TAGAP: variants seen among roughly 807,000 people sequenced by gnomAD.
The protein encoded by TAGAP is T-cell activation Rho GTPase-activating protein.
TAGAP carries 16 observed loss-of-function variants against 36.0 expected under a neutral mutation model. The ratio of observed to expected loss-of-function variants is 0.44; its 90% CI spans 0.30 to 0.68. The LOEUF (loss-of-function observed/expected upper bound fraction) is 0.68. TAGAP is among the 30% of genes least tolerant of loss of function. The pLI is 0.09. For synonymous variants in TAGAP, 372 were observed against 377.4 expected, an observed-to-expected ratio of 0.99 and a Z score of 0.17; for missense variants, 794 against 921.5, an observed-to-expected ratio of 0.86 and a Z score of 1.79.
In TAGAP at chr6:159,041,524, A is replaced by G. The variant is rs777804576; in HGVS notation, c.316-9T>C. On this transcript the variant is annotated splice_polypyrimidine_tract_variant and intron_variant, in intron 5 of 9. Transcript: ENST00000367066. The surrounding 1 kb of genome is among the most constrained non-coding windows in gnomAD (Gnocchi z 4.1). ...AGAATAGTGAGAATGTCCTAAAGGA[A>G]ACAGCAATAGGAACAGGAAAGGGTT... The G allele has an allele frequency of 3.1e-6, 5 of 1,612,756 alleles. No homozygotes were observed. Among genetic ancestry groups the G allele is most frequent in the Non-Finnish European group, 4.2e-6 (5 of 1,179,484 alleles).
At chr6:159,042,425 C>A in intron 4 of TAGAP, 181 bp from the exon 5 acceptor site, 1 of 1,355,478 alleles carries the variant, frequency 7.4e-7, no homozygotes, top group Non-Finnish European at 9.6e-7. Context: ...AAAAACCAAC[C>A]GATAAACAAC....
rs546100674 is a variant in TAGAP, at chr6:159,043,501, T to A, written c.148+88A>T. On this transcript the variant is annotated intron_variant, in intron 4 of 9. Coordinates refer to ENST00000367066, the MANE Select transcript of TAGAP (RefSeq NM_054114.5). Reference sequence around the variant, plus strand: ...AGAACAACTTATACAAAAAAATTCCTAGTAGAGTAAAAGCGCTGTGGTTTT... The same window carrying A: ...AGAACAACTTATACAAAAAAATTCCAAGTAGAGTAAAAGCGCTGTGGTTTT... 6 of 1,256,550 alleles carry A rather than the reference T, an allele frequency of 4.8e-6. No homozygotes were observed. The South Asian group carries it at 4.8e-5, about 10-fold the overall frequency. 77.8% of individuals were successfully genotyped at this position (1,256,550 alleles called of 1,614,324 possible). A position where few individuals can be genotyped will look rare whatever the true frequency, so the allele number is the denominator to read the frequency against.
chr6:159,043,082 G>A lies in TAGAP; in HGVS notation c.148+507C>T, dbSNP rs149950846. On this transcript the variant is annotated intron_variant, in intron 4 of 9. Coordinates refer to ENST00000367066, the MANE Select transcript of TAGAP (RefSeq NM_054114.5). The stretch of plus-strand genomic sequence containing the variant: ...TTGGCATCTGTTTCTATACATTTCA[G>A]ATTGGCAAGTGGAAGCATGATGAGA... 30 of 154,046 alleles carry A rather than the reference G, an allele frequency of 1.9e-4. No homozygotes were observed. The East Asian group carries it at 5.7e-3, about 29-fold the overall frequency. The allele number at this position is 154,046 out of a possible 1,614,324, so 9.5% of individuals were successfully genotyped here.
At position 159,036,468 on chromosome 6, in the gene TAGAP, C is replaced by G; in HGVS notation, c.1555G>C (p.Val519Leu). The change falls in exon 10 of 10, where the codon GTG becomes CTG. Residue 519 changes from valine (V) to leucine (L), a missense_variant. Transcript: ENST00000367066. The surrounding 1 kb of genome is among the most constrained non-coding windows in gnomAD (Gnocchi z 4.9). ...CCCGCGCTGAGGTTTTTGGTCAGCA[C>G]TTTTTTGTGAGGGGCAAAGGTGAAA... ...MSFTFAPHKK[V>L]LTKNLSAGSG... 2 of 1,614,114 alleles carry G rather than the reference C, an allele frequency of 1.2e-6. No individual in the cohort carries two copies. The highest frequency in any genetic ancestry group is 1.7e-6 in the Non-Finnish European group (2 of 1,180,018).
chr6:159,041,056 G>C lies in TAGAP; in HGVS notation c.478-224C>G. On this transcript the variant is annotated intron_variant, in intron 6 of 9. Transcript: ENST00000367066. This position sits in a 1 kb window ranked among gnomAD's most constrained non-coding sequence, Gnocchi z 4.1. ...GCAGAGTCAGAGGCACCATCCCCAGGTGGGTGTGTTCTGAGGGGCCACTGG... is the reference window on the plus strand; with the variant it reads ...GCAGAGTCAGAGGCACCATCCCCAGCTGGGTGTGTTCTGAGGGGCCACTGG... 1 of 586,552 alleles carries C rather than the reference G, an allele frequency of 1.7e-6. No homozygotes were observed. The highest frequency in any genetic ancestry group is 3.0e-6 in the Non-Finnish European group (1 of 333,836). The allele number at this position is 586,552 out of a possible 1,614,324, so 36.3% of individuals were successfully genotyped here.
At chr6:159,043,543 G>A in intron 4 of TAGAP, 46 bp downstream of exon 4, 1 of 1,583,722 alleles carries the variant, frequency 6.3e-7, no homozygotes, top group Non-Finnish European at 8.7e-7. Flanking sequence ...CAAGAGCACT[G>A]GTTGTTAGCA....
chr6:159,044,239 A>T, intron 1 of TAGAP, 35 bp from the exon 2 acceptor site: 1 of 1,409,812 alleles, frequency 7.1e-7, no homozygotes, highest in Non-Finnish European at 9.6e-7. Context: ...GTTAGGAGGG[A>T]CTCACACAGT....
rs564495672 is a variant in TAGAP at position 159,036,793 on chromosome 6, G to A, written c.1230C>T (p.Gly410=). 8 of 1,614,260 alleles carry A rather than the reference G, an allele frequency of 5.0e-6. No homozygotes were observed. The highest frequency in any genetic ancestry group is 1.1e-5 in the South Asian group (1 of 91,086). ...CAGCCTCCTCACTTTCCAAACGAGA[G>A]CCTACCCGGGGCACGGGGAAGTCCC... The part of the protein sequence containing the change: ...SEGDFPVPRV[G]SRLESEEAED... Residue 410 remains glycine (G), a synonymous_variant, in exon 10 of 10, where the codon GGC becomes GGT. Coordinates refer to ENST00000367066, the MANE Select transcript of TAGAP (RefSeq NM_054114.5). The surrounding 1 kb of genome is among the most constrained non-coding windows in gnomAD (Gnocchi z 4.9).
rs774808557 is a variant in TAGAP, at chr6:159,036,448, G to A, written c.1575C>T (p.Ser525=). Residue 525 remains serine, a synonymous_variant, in exon 10 of 10, where the codon AGC becomes AGT. Coordinates refer to ENST00000367066, the MANE Select transcript of TAGAP (RefSeq NM_054114.5). This position sits in a 1 kb window ranked among gnomAD's most constrained non-coding sequence, Gnocchi z 4.9. ...PHKKVLTKNL[S]AGSGKSQDFT... ...AGTCTTGCGATTTCCCAGAGCCCGC[G>A]CTGAGGTTTTTGGTCAGCACTTTTT... 3.1e-6 allele frequency: 5 copies of A among 1,614,028 alleles called. No homozygotes were observed. Among genetic ancestry groups the A allele is most frequent in the Non-Finnish European group, 4.2e-6 (5 of 1,180,048 alleles).
At chr6:159,038,257 C>G in intron 8 of TAGAP, 29 bp from the exon 9 acceptor site, 3 of 883,130 alleles carry the variant, frequency 3.4e-6, no homozygotes, top group Non-Finnish European at 5.3e-6. Flanking sequence ...AATTTGTCAG[C>G]TTGAAGACTT....
chr6:159,037,960 A>T lies in TAGAP; in HGVS notation c.898+154T>A, dbSNP rs1234828039. On this transcript the variant is annotated intron_variant, in intron 9 of 9. Coordinates refer to ENST00000367066, the MANE Select transcript of TAGAP (RefSeq NM_054114.5). The surrounding 1 kb of genome is among the most constrained non-coding windows in gnomAD (Gnocchi z 5.1). ...AGGAAAAGCCCGGAGCAGGGTTTTC[A>T]TGTTTAATGACTTCCTAATGGACTG... is the stretch of plus-strand genomic sequence containing the variant. 6.6e-6 allele frequency among the ~76,000 whole-genome samples: 1 copy of T among 152,224 alleles called. No individual in the cohort carries two copies. The highest frequency in any genetic ancestry group is 1.5e-5 in the Non-Finnish European group (1 of 68,026).
rs577125221 is a variant in TAGAP, at chr6:159,044,291, A to C, written c.-58-87T>G. ...CACTTTGCCAAAGCACAGAGTTTGA[A>C]ACTATTTATTTATTTTTCTCTTTTG... On this transcript the variant is annotated intron_variant, in intron 1 of 9. Coordinates refer to ENST00000367066, the MANE Select transcript of TAGAP (RefSeq NM_054114.5). The C allele has an allele frequency of 4.1e-6, 3 of 725,050 alleles. No homozygotes were observed. The East Asian group carries it at 9.0e-5, about 22-fold the overall frequency. 44.9% of individuals were successfully genotyped at this position (725,050 alleles called of 1,614,324 possible).
chr6:159,044,350 C>T lies in TAGAP; in HGVS notation c.-58-146G>A, dbSNP rs148077497. On this transcript the variant is annotated intron_variant, in intron 1 of 9. Transcript: ENST00000367066. Reference sequence around the variant, plus strand: ...TCACTTGCCTTTACTTTGGAAAAAACTATTACATAGACAAGTTTTCATTTA... The same window carrying T: ...TCACTTGCCTTTACTTTGGAAAAAATTATTACATAGACAAGTTTTCATTTA... 2.3e-3 allele frequency: 1,238 copies of T among 542,736 alleles called. 15 individuals are homozygous for T. The highest frequency in any genetic ancestry group is 0.022 in the African/African-American group (1,130 of 51,088). 33.6% of individuals were successfully genotyped at this position (542,736 alleles called of 1,614,324 possible).
Position 159,038,825 on chromosome 6 carries a change from G to T in TAGAP, c.783+289C>A, listed in dbSNP as rs947108023. Reference sequence around the variant, plus strand: ...TCCCAGATTGATAGACTGATAGACTGTGGTGTACAAAACACAAAAACAAAA... The same window carrying T: ...TCCCAGATTGATAGACTGATAGACTTTGGTGTACAAAACACAAAAACAAAA... On this transcript the variant is annotated intron_variant, in intron 8 of 9. Coordinates refer to ENST00000367066, the MANE Select transcript of TAGAP (RefSeq NM_054114.5). 1.9e-5 allele frequency: 20 copies of T among 1,047,642 alleles called. 1 individual carries two copies. The South Asian group carries it at 3.0e-4, about 16-fold the overall frequency. The allele number at this position is 1,047,642 out of a possible 1,614,324, so 64.9% of individuals were successfully genotyped here. A position where few individuals can be genotyped will look rare whatever the true frequency, so the allele number is the denominator to read the frequency against.
intron 7 of TAGAP, 137 bp downstream of exon 7, chr6:159,040,586 C>T (rs553983241): frequency 7.1e-5 from 46 of 645,206 alleles, no homozygotes; most frequent in Middle Eastern, 5.3e-4. Flanking sequence ...TGGGAGTGGA[C>T]GAGCAATTCC....
rs141944798 is a variant in TAGAP, at chr6:159,037,708, T to A, written c.898+406A>T. On this transcript the variant is annotated intron_variant, in intron 9 of 9. Coordinates refer to ENST00000367066, the MANE Select transcript of TAGAP (RefSeq NM_054114.5). The surrounding 1 kb of genome is among the most constrained non-coding windows in gnomAD (Gnocchi z 5.1). ...GGAAGGAGAGAAAGAGAGGAGAGAA[T>A]AAGAAAAGAGAGAACAGCATTTCAC... Among the ~76,000 whole-genome samples, 3 of 152,188 alleles carry A rather than the reference T, an allele frequency of 2.0e-5. No homozygotes were observed. Among genetic ancestry groups the A allele is most frequent in the Non-Finnish European group, 4.4e-5 (3 of 67,978 alleles).
At position 159,041,771 on chromosome 6, in the gene TAGAP, TTC is replaced by T. The variant is rs1398233977; in HGVS notation, c.316-258_316-257del. ...TGGATTTCAGATCACAAAGTCTATA[TTC>T]TGTTTCCCCCTTTTGACTTTTCAGA... On this transcript the variant is annotated intron_variant, in intron 5 of 9. Coordinates refer to ENST00000367066, the MANE Select transcript of TAGAP (RefSeq NM_054114.5). This position sits in a 1 kb window ranked among gnomAD's most constrained non-coding sequence, Gnocchi z 4.1. 1.8e-6 allele frequency: 1 copy of T among 547,484 alleles called. No homozygotes were observed. Among genetic ancestry groups the T allele is most frequent in the East Asian group, 3.0e-5 (1 of 32,942 alleles). 33.9% of individuals were successfully genotyped at this position (547,484 alleles called of 1,614,324 possible).
intron 8 of TAGAP, 149 bp from the exon 9 acceptor site, chr6:159,038,377 T>G: frequency 1.8e-6 from 1 of 559,276 alleles, no homozygotes; most frequent in East Asian, 3.1e-5. Context: ...TACAGAAATT[T>G]GGTAACAATC....
chr6:159,039,359 A>T (rs776330883), intron 7 of TAGAP, 50 bp from the exon 8 acceptor site: 1 of 1,573,210 alleles, frequency 6.4e-7, no homozygotes, highest in Non-Finnish European at 8.7e-7. Context: ...AATGGTCTTC[A>T]GTGTAGCAAG....
Sources: gnomAD v4.1 joint callset for allele counts (sites outside exome capture counted in the v4.1 genomes callset) on GRCh38, gnomAD v4.1.1 for gene constraint, Gnocchi (gnomAD v3.1) non-coding constraint, MANE v1.5 for transcripts, NCBI Gene and HGNC (gene_info 2026-07-23, HGNC 2026-07-21) for gene names.